PCDHGB7: variants seen among roughly 807,000 people sequenced by gnomAD.
PCDHGB7 encodes protocadherin gamma-B7.
PCDHGB7 carries 37 observed loss-of-function variants against 61.4 expected under a neutral mutation model. That is an observed-to-expected ratio of 0.60 (90% CI 0.46 to 0.79). The LOEUF is 0.79. Among genes scored for constraint, PCDHGB7 ranks in the 30% least tolerant of loss-of-function variants. The pLI, the probability that PCDHGB7 is intolerant of heterozygous loss-of-function variation, is 0.00. For synonymous variants in PCDHGB7, 464 were observed against 503.5 expected, an observed-to-expected ratio of 0.92 and a Z score of 1.05; for missense variants, 1,166 against 1,202.5, an observed-to-expected ratio of 0.97 and a Z score of 0.45.
At chr5:141,468,346 A>AG (rs2099164784) in intron 1 of PCDHGB7, 33 of 147,324 alleles carry the variant, frequency 2.2e-4, no homozygotes, top group Middle Eastern at 6.9e-3. Flanking sequence ...AAAAAAAAAA[A>AG]AAAGAAAGAA....
At chr5:141,502,862 CTGTCT>C (rs2099816366) in intron 2 of PCDHGB7, among the ~76,000 whole-genome samples, 2 of 68,560 alleles carry the variant, frequency 2.9e-5, no homozygotes, top group Admixed American at 3.3e-4. Flanking sequence ...CCCTGACTCT[CTGTCT>C]TTTTTTTTTT....
chr5:141,477,378 C>A lies in PCDHGB7; in HGVS notation c.2416-17429C>A. On this transcript the variant is annotated intron_variant, in intron 1 of 3. Coordinates refer to ENST00000398594, the MANE Select transcript of PCDHGB7 (RefSeq NM_018927.4). This position sits in a 1 kb window ranked among gnomAD's most constrained non-coding sequence, Gnocchi z 4.9. ...GCAGACCTGGATCGGGAGACTGTGC[C>A]AGAATACAACCTCAGCATCACCGCC... 2 of 1,614,136 alleles carry A rather than the reference C, an allele frequency of 1.2e-6. No homozygotes were observed. Among genetic ancestry groups the A allele is most frequent in the Non-Finnish European group, 1.7e-6 (2 of 1,180,034 alleles).
chr5:141,481,913 CAAAAAA>C (rs34114744), intron 1 of PCDHGB7, among the ~76,000 whole-genome samples: 1 of 90,850 alleles, frequency 1.1e-5, no homozygotes. Flanking sequence ...AACTCCATCT[CAAAAAA>C]AAAAAAAAAA....
At chr5:141,428,245 C>A in intron 1 of PCDHGB7, 1 of 948,140 alleles carries the variant, frequency 1.1e-6, no homozygotes, top group South Asian at 1.4e-5. Flanking sequence ...GGAGGCACTG[C>A]CAGACTTCAG....
In PCDHGB7 at chr5:141,491,729, C is replaced by T. The variant is rs766649819; in HGVS notation, c.2416-3078C>T. On this transcript the variant is annotated intron_variant, in intron 1 of 3. Coordinates refer to ENST00000398594, the MANE Select transcript of PCDHGB7 (RefSeq NM_018927.4). This position sits in a 1 kb window ranked among gnomAD's most constrained non-coding sequence, Gnocchi z 6.9. ...AGGGGCTCGGCGCCGCCCCGGGCGA[C>T]CCCTGGGGGCGGCACTGGAGAAGCC... 6.1e-5 allele frequency: 98 copies of T among 1,603,832 alleles called. No homozygotes were observed. Among genetic ancestry groups the T allele is most frequent in the Non-Finnish European group, 7.9e-5 (93 of 1,175,848 alleles).
chr5:141,432,172 C>T lies in PCDHGB7; in HGVS notation c.2415+11898C>T, dbSNP rs562175068. ...AGAACAATCCCAGAGGAGTTTCCCT[C>T]GTCTCTGTGACCGCCCACGACCCCG... On this transcript the variant is annotated intron_variant, in intron 1 of 3. Coordinates refer to ENST00000398594, the MANE Select transcript of PCDHGB7 (RefSeq NM_018927.4). This position sits in a 1 kb window ranked among gnomAD's most constrained non-coding sequence, Gnocchi z 6.0. 22 of 1,614,152 alleles carry T rather than the reference C, an allele frequency of 1.4e-5. No individual in the cohort carries two copies. In the Admixed American group the frequency reaches 3.5e-4, roughly 26 times the overall value.
intron 1 of PCDHGB7, among the ~76,000 whole-genome samples, chr5:141,450,572 T>C (rs1276283357): frequency 6.6e-6 from 1 of 151,710 alleles, no homozygotes; most frequent in Non-Finnish European, 1.5e-5. Context: ...CTGCAACTTC[T>C]GCCTCCCAGG....
At position 141,431,367 on chromosome 5, in the gene PCDHGB7, A is replaced by G; in HGVS notation, c.2415+11093A>G. 1.2e-6 allele frequency: 2 copies of G among 1,613,984 alleles called. No homozygotes were observed. The highest frequency in any genetic ancestry group is 2.2e-5 in the South Asian group (2 of 91,084). On this transcript the variant is annotated intron_variant, in intron 1 of 3. Coordinates refer to ENST00000398594, the MANE Select transcript of PCDHGB7 (RefSeq NM_018927.4). This position sits in a 1 kb window ranked among gnomAD's most constrained non-coding sequence, Gnocchi z 4.8. ...GTGCTGAAACGCGCCCTGGACCGCGAAGAAAAGGCTGCTCACCACCTGGTC... is the reference window on the plus strand; with the variant it reads ...GTGCTGAAACGCGCCCTGGACCGCGGAGAAAAGGCTGCTCACCACCTGGTC...
intron 1 of PCDHGB7, among the ~76,000 whole-genome samples, chr5:141,466,724 A>G (rs2099128017): frequency 6.6e-6 from 1 of 152,148 alleles, no homozygotes. Flanking sequence ...TTTCCATTTT[A>G]GCAGAATTCA....
At position 141,454,796 on chromosome 5, in the gene PCDHGB7, A is replaced by ATT. The variant is rs61612330; in HGVS notation, c.2415+34550_2415+34551dup. On this transcript the variant is annotated intron_variant, in intron 1 of 3. Coordinates refer to ENST00000398594, the MANE Select transcript of PCDHGB7 (RefSeq NM_018927.4). Reference sequence around the variant, plus strand: ...AAGGAAATAATCCTCCATGGTTCTAATTTTTTTTTTTTTTTTTTTTTTTTT... The same window carrying ATT: ...AAGGAAATAATCCTCCATGGTTCTAATTTTTTTTTTTTTTTTTTTTTTTTTTT... 6.7e-3 allele frequency among the ~76,000 whole-genome samples: 521 copies of ATT among 77,456 alleles called. 71 individuals are homozygous for ATT. The highest frequency in any genetic ancestry group is 0.017 in the Middle Eastern group (2 of 120). The allele number at this position is 77,456 out of a possible 152,430, so 50.8% of individuals were successfully genotyped here.
intron 1 of PCDHGB7, chr5:141,430,640 G>A (rs902915974): frequency 1.1e-6 from 1 of 916,196 alleles, no homozygotes; most frequent in East Asian, 2.7e-5. Flanking sequence ...ATCCCTGGGA[G>A]TATGTGGAAA....
At position 141,476,513 on chromosome 5, in the gene PCDHGB7, C is replaced by T; in HGVS notation, c.2416-18294C>T. 1 of 1,614,196 alleles carries T rather than the reference C, an allele frequency of 6.2e-7. No individual in the cohort carries two copies. Among genetic ancestry groups the T allele is most frequent in the Non-Finnish European group, 8.5e-7 (1 of 1,180,034 alleles). On this transcript the variant is annotated intron_variant, in intron 1 of 3. Coordinates refer to ENST00000398594, the MANE Select transcript of PCDHGB7 (RefSeq NM_018927.4). The surrounding 1 kb of genome is among the most constrained non-coding windows in gnomAD (Gnocchi z 7.6). ...GATCCAGGACATCAACGACAACAAT[C>T]CTGCTTTCCCTACCCAGGAAATGAA...
intron 2 of PCDHGB7, among the ~76,000 whole-genome samples, chr5:141,504,947 A>G (rs1595930930): frequency 6.6e-6 from 1 of 152,200 alleles, no homozygotes; most frequent in Non-Finnish European, 1.5e-5. Context: ...GGAATGCACT[A>G]TGTTCAATGC....
chr5:141,428,194 T>C (rs2097123409), intron 1 of PCDHGB7: 1 of 1,414,108 alleles, frequency 7.1e-7, no homozygotes, highest in Admixed American at 1.8e-5. Flanking sequence ...CGCCGCTCTC[T>C]GCGCCGCTAC....
chr5:141,424,878 G>A (rs1455273258), intron 1 of PCDHGB7, among the ~76,000 whole-genome samples: 2 of 152,162 alleles, frequency 1.3e-5, no homozygotes, highest in African/African-American at 4.8e-5. Context: ...GAGGAAAGGA[G>A]ACTTATCTAG....
In PCDHGB7 at chr5:141,459,352, C is replaced by T. The variant is rs111826527; in HGVS notation, c.2416-35455C>T. On this transcript the variant is annotated intron_variant, in intron 1 of 3. Coordinates refer to ENST00000398594, the MANE Select transcript of PCDHGB7 (RefSeq NM_018927.4). Reference sequence around the variant, plus strand: ...TACTCCAAAGTTCTTGAAATTCATTCATGTTCCTGTGTGTATCAGCAGCGT... The same window carrying T: ...TACTCCAAAGTTCTTGAAATTCATTTATGTTCCTGTGTGTATCAGCAGCGT... 1.4e-4 allele frequency among the ~76,000 whole-genome samples: 21 copies of T among 152,304 alleles called. No homozygotes were observed. The East Asian group carries it at 3.7e-3, about 27-fold the overall frequency.
Position 141,485,757 on chromosome 5 carries a change from T to A in PCDHGB7, c.2416-9050T>A. The A allele has an allele frequency of 6.2e-7, 1 of 1,614,174 alleles. No homozygotes were observed. The highest frequency in any genetic ancestry group is 8.5e-7 in the Non-Finnish European group (1 of 1,180,028). The stretch of plus-strand genomic sequence containing the variant: ...GACGGCAGCCTGGTCCCAGAGCTGC[T>A]CCTGGAGAAGCCTTTGGATCGAGAG... On this transcript the variant is annotated intron_variant, in intron 1 of 3. Transcript: ENST00000398594. The surrounding 1 kb of genome is among the most constrained non-coding windows in gnomAD (Gnocchi z 5.7).
Position 141,489,316 on chromosome 5 carries a change from T to C in PCDHGB7, c.2416-5491T>C, listed in dbSNP as rs2099685399. On this transcript the variant is annotated intron_variant, in intron 1 of 3. Transcript: ENST00000398594. This position sits in a 1 kb window ranked among gnomAD's most constrained non-coding sequence, Gnocchi z 4.5. The stretch of plus-strand genomic sequence containing the variant: ...CATGTTGTCCTTGTGCTGCTGGGGC[T>C]GGGTGTCTGGGCAGCTTCGTTACTC... The C allele has an allele frequency of 1.3e-6, 2 of 1,597,946 alleles. No individual in the cohort carries two copies. Among genetic ancestry groups the C allele is most frequent in the Admixed American group, 1.7e-5 (1 of 58,864 alleles).
At chr5:141,457,062 T>C (rs1168687034) in intron 1 of PCDHGB7, among the ~76,000 whole-genome samples, 1 of 152,232 alleles carries the variant, frequency 6.6e-6, no homozygotes, top group Non-Finnish European at 1.5e-5. Context: ...GCTTCCTTTT[T>C]GCCAGTAACT....
Sources: gnomAD v4.1 joint callset for allele counts (sites outside exome capture counted in the v4.1 genomes callset) on GRCh38, gnomAD v4.1.1 for gene constraint, Gnocchi (gnomAD v3.1) non-coding constraint, MANE v1.5 for transcripts, NCBI Gene and HGNC (gene_info 2026-07-23, HGNC 2026-07-21) for gene names.